ROBO2: variants seen among roughly 807,000 people sequenced by gnomAD.
ROBO2 encodes roundabout homolog 2.
ROBO2 carries 53 observed loss-of-function variants against 160.8 expected under a neutral mutation model. The ratio of observed to expected loss-of-function variants is 0.33; its 90% CI spans 0.26 to 0.41. The LOEUF is 0.41. Among genes scored for constraint, ROBO2 ranks in the 10% least tolerant of loss-of-function variants. The probability of loss-of-function intolerance (pLI) is 1.00; values close to 1 mark genes in which losing one functional copy is unlikely to be tolerated. For missense variants in ROBO2, 1,577 were observed against 1,722.4 expected, an observed-to-expected ratio of 0.92 and a Z score of 1.49; for synonymous variants, 664 against 611.7, an observed-to-expected ratio of 1.09 and a Z score of -1.26.
At chr3:76,009,066 G>C (rs1000127050) in intron 2 of ROBO2, among the ~76,000 whole-genome samples, 2 of 151,898 alleles carry the variant, frequency 1.3e-5, no homozygotes, top group Non-Finnish European at 2.9e-5. Context: ...GGCACATGAG[G>C]CTCTTATAAC....
At chr3:77,169,198 T>G (rs2079392038) in intron 2 of ROBO2, among the ~76,000 whole-genome samples, 1 of 152,200 alleles carries the variant, frequency 6.6e-6, no homozygotes, top group African/African-American at 2.4e-5. Flanking sequence ...AACAAGTCAA[T>G]AGGCTGTTAC....
At chr3:77,424,409 C>A (rs2077990310) in intron 2 of ROBO2, among the ~76,000 whole-genome samples, 1 of 151,932 alleles carries the variant, frequency 6.6e-6, no homozygotes, top group African/African-American at 2.4e-5. Context: ...ATGCTTTTAC[C>A]CAGGGGATAT....
chr3:76,610,674 G>A (rs530325334), intron 2 of ROBO2, among the ~76,000 whole-genome samples: 56 of 642 alleles, frequency 0.087, 1 homozygote, highest in Admixed American at 0.11. Context: ...TTCTCACTGC[G>A]CGTCCTGTGT....
At chr3:77,395,067 A>G (rs1274941033) in intron 2 of ROBO2, among the ~76,000 whole-genome samples, 3 of 152,118 alleles carry the variant, frequency 2.0e-5, no homozygotes, top group Non-Finnish European at 2.9e-5. Flanking sequence ...TTTGAATTTT[A>G]TTTGTATAGA....
chr3:76,818,804 C>T (rs1017072676), intron 2 of ROBO2, among the ~76,000 whole-genome samples: 2 of 152,050 alleles, frequency 1.3e-5, no homozygotes, highest in African/African-American at 4.8e-5. Context: ...CTACTCCATT[C>T]CATTGGCCCA....
At chr3:76,405,755 A>G (rs941631005) in intron 2 of ROBO2, among the ~76,000 whole-genome samples, 4 of 151,734 alleles carry the variant, frequency 2.6e-5, no homozygotes, top group African/African-American at 9.7e-5. Context: ...TGAAAAGGAA[A>G]GCACTCATAT....
chr3:76,824,227 A>G (rs762526799), intron 2 of ROBO2, among the ~76,000 whole-genome samples: 1 of 152,162 alleles, frequency 6.6e-6, no homozygotes, highest in Non-Finnish European at 1.5e-5. Context: ...ACTGGGAAGA[A>G]CTTGTTCTTG....
At chr3:76,992,771 C>T (rs1200986562) in intron 2 of ROBO2, among the ~76,000 whole-genome samples, 1 of 151,924 alleles carries the variant, frequency 6.6e-6, no homozygotes, top group African/African-American at 2.4e-5. Context: ...GTTTTTGAGA[C>T]CCATTTTCTA....
At chr3:76,773,363 A>C (rs535851620) in intron 2 of ROBO2, among the ~76,000 whole-genome samples, 2 of 151,050 alleles carry the variant, frequency 1.3e-5, no homozygotes, top group East Asian at 3.9e-4. Flanking sequence ...GTGGTCAGTC[A>C]GTCATATTGT....
At chr3:76,922,265 C>T (rs946398846) in intron 2 of ROBO2, among the ~76,000 whole-genome samples, 12 of 152,000 alleles carry the variant, frequency 7.9e-5, no homozygotes, top group Non-Finnish European at 4.4e-5. Context: ...GAGCCGAGAT[C>T]GCACCACTGC....
chr3:76,585,394 G>A (rs1032192215), intron 2 of ROBO2, among the ~76,000 whole-genome samples: 2 of 152,174 alleles, frequency 1.3e-5, no homozygotes, highest in African/African-American at 2.4e-5. Context: ...TCATCACAAT[G>A]TGAAGTTTTC....
chr3:77,248,592 G>A (rs2089997228), intron 2 of ROBO2, among the ~76,000 whole-genome samples: 1 of 152,158 alleles, frequency 6.6e-6, no homozygotes, highest in African/African-American at 2.4e-5. Flanking sequence ...ACCCAAAGGT[G>A]CTCACCCCAG....
intron 2 of ROBO2, among the ~76,000 whole-genome samples, chr3:77,369,580 T>C (rs2071444156): frequency 1.3e-5 from 2 of 152,158 alleles, no homozygotes; most frequent in African/African-American, 4.8e-5. Flanking sequence ...GGTAGCTGCA[T>C]TTTTGTAATT....
At chr3:77,319,370 A>G (rs775392969) in intron 2 of ROBO2, among the ~76,000 whole-genome samples, 8 of 152,196 alleles carry the variant, frequency 5.3e-5, no homozygotes, top group Non-Finnish European at 1.0e-4. Context: ...CTGATGAGGC[A>G]TACATACAGA....
chr3:77,321,086 G>C (rs34256813), intron 2 of ROBO2, among the ~76,000 whole-genome samples: 12,135 of 152,184 alleles, frequency 0.08, 659 homozygotes, highest in East Asian at 0.14. Flanking sequence ...AATTTATTGG[G>C]TCGGAGTTAA....
chr3:75,944,694 C>T (rs1948203874), intron 2 of ROBO2, among the ~76,000 whole-genome samples: 1 of 152,132 alleles, frequency 6.6e-6, no homozygotes, highest in Admixed American at 6.6e-5. Flanking sequence ...TATATCACAC[C>T]TTAATCTACT....
intron 2 of ROBO2, among the ~76,000 whole-genome samples, chr3:76,477,142 C>T (rs1253465020): frequency 6.6e-6 from 1 of 152,132 alleles, no homozygotes; most frequent in African/African-American, 2.4e-5. Flanking sequence ...CTTTTCCAGA[C>T]TTGTAAAATT....
chr3:76,787,786 C>A (rs189398728), intron 2 of ROBO2, among the ~76,000 whole-genome samples: 57 of 151,464 alleles, frequency 3.8e-4, no homozygotes, highest in Admixed American at 1.1e-3. Flanking sequence ...GTATTTGGAT[C>A]TACAGCAAGT....
intron 2 of ROBO2, among the ~76,000 whole-genome samples, chr3:76,938,999 A>T (rs1448539383): frequency 1.4e-5 from 2 of 146,600 alleles, no homozygotes; most frequent in East Asian, 4.0e-4. Flanking sequence ...AAAAAAAAGT[A>T]GCCCCACACT....
Sources: allele counts gnomAD v4.1 joint callset (sites outside exome capture counted in the v4.1 genomes callset), GRCh38; gene constraint gnomAD v4.1.1; transcripts MANE v1.5; gene names NCBI Gene and HGNC (gene_info 2026-07-23, HGNC 2026-07-21).